The following LRP1B variants were observed in gnomAD, a reference collection of about 807,000 sequenced individuals.
The protein encoded by LRP1B is LDL receptor related protein 1B.
LRP1B carries 217 observed loss-of-function variants against 556.6 expected under a neutral mutation model. The observed-to-expected ratio is 0.39, with a 90% confidence interval of 0.35 to 0.44. The LOEUF (loss-of-function observed/expected upper bound fraction) is 0.44, where lower values mean the gene tolerates loss of function less well. LRP1B is among the 20% of genes least tolerant of loss of function. LRP1B has a pLI of 1.00. For synonymous variants in LRP1B, 2,047 were observed against 1,865.8 expected (o/e 1.10, Z -2.50); for missense variants, 5,053 against 5,620.8 (o/e 0.90, Z 3.23).
chr2:140,601,184 T>A (rs968352893), intron 42 of LRP1B, among the ~76,000 whole-genome samples: 3 of 151,962 alleles, frequency 2.0e-5, no homozygotes, highest in Admixed American at 6.6e-5. Context: ...ATAGGCCTTT[T>A]CCAGCATGGT....
intron 3 of LRP1B, among the ~76,000 whole-genome samples, chr2:141,395,496 T>G (rs1022101229): frequency 6.6e-6 from 1 of 152,156 alleles, no homozygotes; most frequent in African/African-American, 2.4e-5. Context: ...ATGTAAGTAC[T>G]CTCTATGATG....
chr2:140,991,143 A>G (rs2105355220), intron 16 of LRP1B, among the ~76,000 whole-genome samples: 1 of 152,308 alleles, frequency 6.6e-6, no homozygotes, highest in East Asian at 1.9e-4. Flanking sequence ...GCAAGAATAA[A>G]TGCCGAGAGA....
chr2:141,653,427 G>GCAA (rs1689874753), intron 2 of LRP1B, among the ~76,000 whole-genome samples: 1 of 152,118 alleles, frequency 6.6e-6, no homozygotes, highest in Non-Finnish European at 1.5e-5. Flanking sequence ...AGAAAAGAAA[G>GCAA]CAACAACTCT....
intron 41 of LRP1B, among the ~76,000 whole-genome samples, chr2:140,645,261 TAC>T (rs1559028154): frequency 6.6e-6 from 1 of 152,102 alleles, no homozygotes; most frequent in African/African-American, 2.4e-5. Context: ...ATGTAATTCT[TAC>T]AGTGAGGTTT....
At chr2:140,317,735 G>A (rs924151072) in intron 82 of LRP1B, among the ~76,000 whole-genome samples, 6 of 152,080 alleles carry the variant, frequency 3.9e-5, no homozygotes, top group Non-Finnish European at 4.4e-5. Context: ...ATCATAGATA[G>A]GATTATTATG....
chr2:141,721,674 G>T (rs140784917), intron 2 of LRP1B, among the ~76,000 whole-genome samples: 1 of 152,256 alleles, frequency 6.6e-6, no homozygotes, highest in African/African-American at 2.4e-5. Context: ...TCTTCAGGAA[G>T]ATTAAGCAAA....
chr2:140,302,235 C>A (rs1332757956), intron 83 of LRP1B, among the ~76,000 whole-genome samples: 1 of 152,018 alleles, frequency 6.6e-6, no homozygotes, highest in Non-Finnish European at 1.5e-5. Flanking sequence ...ATCTTTCTGT[C>A]TAAATGCCTC....
chr2:141,802,037 T>A (rs1395386077), intron 2 of LRP1B, among the ~76,000 whole-genome samples: 3 of 152,136 alleles, frequency 2.0e-5, no homozygotes, highest in African/African-American at 7.2e-5. Flanking sequence ...CAAGGTTGGT[T>A]TCCTCTGAGG....
At chr2:140,336,911 T>G (rs539951322) in intron 77 of LRP1B, among the ~76,000 whole-genome samples, 1 of 151,980 alleles carries the variant, frequency 6.6e-6, no homozygotes, top group African/African-American at 2.4e-5. Context: ...AGGGGTATTA[T>G]GGCAAGAGTA....
intron 35 of LRP1B, among the ~76,000 whole-genome samples, chr2:140,748,327 T>C (rs1339624768): frequency 8.0e-6 from 1 of 124,904 alleles, no homozygotes; most frequent in Non-Finnish European, 1.6e-5. Flanking sequence ...ATATAATATA[T>C]ATTATATTCA....
intron 2 of LRP1B, among the ~76,000 whole-genome samples, chr2:141,706,043 C>T (rs1692125111): frequency 6.6e-6 from 1 of 152,034 alleles, no homozygotes. Flanking sequence ...AGGAAACATT[C>T]ATGCTTCCAT....
At position 141,317,240 on chromosome 2, in the gene LRP1B, C is replaced by G. The variant is rs370571705; in HGVS notation, c.344-62599G>C. Among the ~76,000 whole-genome samples, 15 of 152,212 alleles carry G rather than the reference C, an allele frequency of 9.9e-5. No individual in the cohort carries two copies. In the South Asian group the frequency reaches 3.1e-3, roughly 32 times the overall value. On this transcript the variant is annotated intron_variant, in intron 3 of 90. Coordinates refer to ENST00000389484, the MANE Select transcript of LRP1B (RefSeq NM_018557.3). The stretch of plus-strand genomic sequence containing the variant: ...AGTGTTTCTGTGTTAGTTGCCATAA[C>G]AAAATACCACACACTGGGTATCTTA...
At chr2:141,421,344 C>T (rs1449444329) in intron 3 of LRP1B, among the ~76,000 whole-genome samples, 3 of 151,618 alleles carry the variant, frequency 2.0e-5, no homozygotes, top group Admixed American at 6.6e-5. Flanking sequence ...CCGGCTAAAA[C>T]GGTGAAACCC....
chr2:140,562,689 T>C (rs1216661977), intron 43 of LRP1B, among the ~76,000 whole-genome samples: 3 of 152,082 alleles, frequency 2.0e-5, no homozygotes, highest in African/African-American at 4.8e-5. Context: ...GGCACGATCT[T>C]GGCTCATTGC....
At chr2:141,667,073 G>A (rs1001754414) in intron 2 of LRP1B, among the ~76,000 whole-genome samples, 4 of 151,714 alleles carry the variant, frequency 2.6e-5, no homozygotes, top group East Asian at 1.9e-4. Context: ...GGAAAGAGCC[G>A]GCTTCTCATT....
intron 11 of LRP1B, among the ~76,000 whole-genome samples, chr2:141,025,534 G>A (rs550978592): frequency 9.9e-5 from 15 of 152,106 alleles, no homozygotes; most frequent in East Asian, 5.8e-4. Flanking sequence ...ATGTGGGTTC[G>A]CCTCATCCAA....
intron 27 of LRP1B, among the ~76,000 whole-genome samples, chr2:140,855,723 G>A (rs1692597617): frequency 6.6e-6 from 1 of 151,960 alleles, no homozygotes; most frequent in Admixed American, 6.6e-5. Context: ...AGGGCTTTGG[G>A]AGGCCAAGAT....
intron 1 of LRP1B, among the ~76,000 whole-genome samples, chr2:142,126,268 T>TC (rs1217914046): frequency 1.3e-5 from 2 of 150,710 alleles, no homozygotes; most frequent in African/African-American, 4.9e-5. Context: ...TCATTTCACT[T>TC]TTTTTTTTGT....
chr2:141,146,984 C>T (rs74995224), intron 7 of LRP1B, among the ~76,000 whole-genome samples: 3 of 152,122 alleles, frequency 2.0e-5, no homozygotes, highest in Admixed American at 6.5e-5. Flanking sequence ...GGATTACACA[C>T]CTGAGCATCC....
Sources: allele counts gnomAD v4.1 joint callset (sites outside exome capture counted in the v4.1 genomes callset), GRCh38; gene constraint gnomAD v4.1.1; transcripts MANE v1.5; gene names NCBI Gene and HGNC (gene_info 2026-07-23, HGNC 2026-07-21).